Variants in ZNF844 observed in about 807,000 individuals in gnomAD.
ZNF844 encodes the protein zinc finger protein 844.
A neutral mutation model predicts 11.4 loss-of-function variants in ZNF844; 11 were observed. The ratio of observed to expected loss-of-function variants is 0.97; its 90% CI spans 0.61 to 1.60. ZNF844 has a LOEUF of 1.60. Among genes scored for constraint, ZNF844 ranks in the 40% most tolerant of loss-of-function variants. ZNF844 has a pLI of 0.00. For synonymous variants in ZNF844, 248 were observed against 260.3 expected (o/e 0.95, Z 0.46); for missense variants, 790 against 796.8 (o/e 0.99, Z 0.10).
chr19:12,076,316 A>G lies in ZNF844; in HGVS notation c.1196A>G (p.Lys399Arg), dbSNP rs771952512. ...CTTATGAATGCAAGCACTGTGGTAA[A>G]GCCTTCAATCGTTCCAGTTCCTTTC... ...RNLMNASTVV[K>R]PSIVPVPFTI... Residue 399 changes from lysine to arginine, a missense_variant, in exon 4 of 4, where the codon AAG becomes AGG. By Grantham distance (26) the Lys-to-Arg change is conservative. Around this residue, in one of 3 missense-constraint regions of ZNF844, gnomAD observed 657 missense variants for 636.2 expected, o/e 1.03. Transcript: ENST00000439326. 6.2e-7 allele frequency: 1 copy of G among 1,613,938 alleles called. No individual in the cohort carries two copies. Among genetic ancestry groups the G allele is most frequent in the South Asian group, 1.1e-5 (1 of 91,044 alleles).
Position 12,076,826 on chromosome 19 carries a change from T to A in ZNF844, c.1706T>A (p.Ile569Asn), listed in dbSNP as rs1215862418. Residue 569 changes from isoleucine to asparagine, a missense_variant, in exon 4 of 4, where the codon ATT (isoleucine) becomes AAT (asparagine). Ile to Asn is a moderately radical substitution (Grantham distance 149). Around this residue, in one of 3 missense-constraint regions of ZNF844, gnomAD observed 657 missense variants for 636.2 expected, o/e 1.03. Coordinates refer to ENST00000439326, the MANE Select transcript of ZNF844 (RefSeq NM_001136501.3). ...AGGAATATGGAAAAGCATTCAACAA[T>A]TTCTCTTCCTTTCAAATACATGCAA... ...PIRNMEKHST[I>N]SLPFKYMQQC... is the part of the protein sequence containing the mutation. 1 of 1,559,276 alleles carries A rather than the reference T, an allele frequency of 6.4e-7. No individual in the cohort carries two copies.
intron 1 of ZNF844, among the ~76,000 whole-genome samples, chr19:12,067,607 CA>C (rs772282496): frequency 0.041 from 1,535 of 37,162 alleles, 1 homozygote; most frequent in Non-Finnish European, 0.051. Flanking sequence ...AACTCTGTCT[CA>C]AAAAAAAAAA....
intron 3 of ZNF844, among the ~76,000 whole-genome samples, chr19:12,074,819 T>G: frequency 6.6e-6 from 1 of 152,202 alleles, no homozygotes; most frequent in Non-Finnish European, 1.5e-5. Context: ...GCCACTGCAC[T>G]CCAGCCTGGG....
chr19:12,066,741 T>C (rs1483817374), intron 1 of ZNF844, among the ~76,000 whole-genome samples: 1 of 150,572 alleles, frequency 6.6e-6, no homozygotes, highest in Admixed American at 6.6e-5. Context: ...AGAGACGGGG[T>C]TTCAACGTGT....
At position 12,074,107 on chromosome 19, in the gene ZNF844, ATC is replaced by A; in HGVS notation, c.84_85del (p.Tyr29GlnfsTer24). On this transcript the variant is annotated frameshift_variant, in exon 2 of 4. Transcript: ENST00000439326. LOFTEE classifies it high-confidence loss of function. The stretch of plus-strand genomic sequence containing the variant: ...TCTTTGCTGGATCCTTCCCAGAAGA[ATC>A]TCTACAGAGAAGTGATGCAGGAAAC... 6.2e-7 allele frequency: 1 copy of A among 1,613,832 alleles called. No individual in the cohort carries two copies. The highest frequency in any genetic ancestry group is 8.5e-7 in the Non-Finnish European group (1 of 1,179,848).
intron 1 of ZNF844, 81 bp from the exon 2 acceptor site, chr19:12,073,950 G>A: frequency 1.3e-6 from 2 of 1,513,786 alleles, no homozygotes. Context: ...ACAGCATCAT[G>A]GGAACTTCTT....
At chr19:12,067,507 T>C (rs1232788531) in intron 1 of ZNF844, among the ~76,000 whole-genome samples, 1 of 145,428 alleles carries the variant, frequency 6.9e-6, no homozygotes, top group Non-Finnish European at 1.5e-5. Context: ...CTGGGGAGGC[T>C]GAGGCAGGGG....
At chr19:12,065,125 G>C (rs985452693) in intron 1 of ZNF844, among the ~76,000 whole-genome samples, 12 of 151,988 alleles carry the variant, frequency 7.9e-5, no homozygotes, top group African/African-American at 2.9e-4. Flanking sequence ...CAGCCCGGGA[G>C]CCCTCTCTGG....
intron 1 of ZNF844, among the ~76,000 whole-genome samples, chr19:12,068,509 G>A (rs1317994873): frequency 6.6e-6 from 1 of 152,040 alleles, no homozygotes; most frequent in Non-Finnish European, 1.5e-5. Flanking sequence ...GTGGGCGCTT[G>A]TAATCCCAGC....
At chr19:12,064,957 G>A in intron 1 of ZNF844, 81 bp downstream of exon 1, 13 of 1,486,358 alleles carry the variant, frequency 8.7e-6, no homozygotes, top group East Asian at 2.7e-5. Context: ...GGAACCGGCT[G>A]TGCCGGGACC....
chr19:12,067,285 G>C (rs149924063), intron 1 of ZNF844, among the ~76,000 whole-genome samples: 28 of 152,226 alleles, frequency 1.8e-4, no homozygotes, highest in African/African-American at 6.7e-4. Context: ...CTGCACTCCA[G>C]TCTGGGTGAC....
chr19:12,072,588 T>C (rs78694689), intron 1 of ZNF844, among the ~76,000 whole-genome samples: 2,672 of 152,224 alleles, frequency 0.018, 73 homozygotes, highest in African/African-American at 0.054. Context: ...CTTTTTTCTT[T>C]TTCTTTTTTT....
chr19:12,081,178 T>C lies in ZNF844; in HGVS notation c.*4057T>C, dbSNP rs905655714. 4 of 152,234 alleles carry C rather than the reference T, an allele frequency of 2.6e-5. No homozygotes were observed. The highest frequency in any genetic ancestry group is 4.4e-5 in the Non-Finnish European group (3 of 68,048). 9.4% of individuals were successfully genotyped at this position (152,234 alleles called of 1,614,324 possible). A position where few individuals can be genotyped will look rare whatever the true frequency, so the allele number is the denominator to read the frequency against. ...GAGTCAGTATGAGATGCGATTTGTT[T>C]GGCAAGCACCTTTGTTCCTGCTGTT... On this transcript the variant is annotated 3_prime_UTR_variant, in exon 4 of 4. Transcript: ENST00000439326.
At chr19:12,073,754 C>G (rs1176089722) in intron 1 of ZNF844, among the ~76,000 whole-genome samples, 1 of 152,158 alleles carries the variant, frequency 6.6e-6, no homozygotes, top group Non-Finnish European at 1.5e-5. Context: ...TACAAACAGA[C>G]ATTAAGAGCA....
chr19:12,064,860 C>T lies in ZNF844; in HGVS notation c.-14C>T, dbSNP rs1420015450. ...TGACTGCTTTGGACGTGGGAGTCAC[C>T]TGAAAGCCAGGAAATGGTGAGTGTG... On this transcript the variant is annotated 5_prime_UTR_variant, in exon 1 of 4. Transcript: ENST00000439326. 1 of 1,549,902 alleles carries T rather than the reference C, an allele frequency of 6.5e-7. No individual in the cohort carries two copies. Among genetic ancestry groups the T allele is most frequent in the East Asian group, 2.5e-5 (1 of 40,066 alleles).
chr19:12,071,841 G>T (rs1187543183), intron 1 of ZNF844, among the ~76,000 whole-genome samples: 1 of 150,754 alleles, frequency 6.6e-6, no homozygotes, highest in African/African-American at 2.4e-5. Context: ...GTATTTTTGT[G>T]ACTGGCCTTT....
Position 12,077,572 on chromosome 19 carries a change from C to G in ZNF844, c.*451C>G. On this transcript the variant is annotated 3_prime_UTR_variant, in exon 4 of 4. Coordinates refer to ENST00000439326, the MANE Select transcript of ZNF844 (RefSeq NM_001136501.3). ...TATGAATGTAAGCAGTGTGGTAAAG[C>G]CTTCAGATCTGCCACTCAACTTCAG... The G allele has an allele frequency of 1.7e-6, 1 of 590,656 alleles. No individual in the cohort carries two copies. The highest frequency in any genetic ancestry group is 1.4e-5 in the South Asian group (1 of 72,644). The allele number at this position is 590,656 out of a possible 1,614,324, so 36.6% of individuals were successfully genotyped here.
Position 12,075,923 on chromosome 19 carries a change from T to A in ZNF844, c.803T>A (p.Leu268His). 1.9e-6 allele frequency: 3 copies of A among 1,601,918 alleles called. No homozygotes were observed. Among genetic ancestry groups the A allele is most frequent in the African/African-American group, 2.7e-5 (2 of 74,150 alleles). Residue 268 changes from leucine to histidine, a missense_variant, in exon 4 of 4, where the codon CTT (leucine) becomes CAT (histidine). Physicochemically the swap from Leu to His is moderately conservative, Grantham distance 99. Around this residue, in one of 3 missense-constraint regions of ZNF844, gnomAD observed 657 missense variants for 636.2 expected, o/e 1.03. Transcript: ENST00000439326. Reference sequence around the variant, plus strand: ...AAAGCATTCGGTAGTCCCAATTCCCTTTATGAACATAGAAGAACTCACACT... The same window carrying A: ...AAAGCATTCGGTAGTCCCAATTCCCATTATGAACATAGAAGAACTCACACT... Reference protein sequence around the residue: ...CGKAFGSPNSLYEHRRTHTGE... With the variant: ...CGKAFGSPNSHYEHRRTHTGE...
At chr19:12,067,935 A>G (rs367605833) in intron 1 of ZNF844, among the ~76,000 whole-genome samples, 10 of 51,982 alleles carry the variant, frequency 1.9e-4, no homozygotes, top group Non-Finnish European at 3.2e-4. Context: ...AAAGAAAGAA[A>G]GAAAGAAAGA....
Sources: allele counts gnomAD v4.1 joint callset (sites outside exome capture counted in the v4.1 genomes callset), GRCh38; gene constraint gnomAD v4.1.1; regional missense constraint gnomAD v4.1.1; transcripts MANE v1.5; gene names NCBI Gene and HGNC (gene_info 2026-07-23, HGNC 2026-07-21).